The following MAP4K4 variants were observed in gnomAD, a reference collection of about 807,000 sequenced individuals.
MAP4K4 encodes HPK/GCK-like kinase HGK.
A neutral mutation model predicts 189.6 loss-of-function variants in MAP4K4; 38 were observed. That is an observed-to-expected ratio of 0.20 (90% CI 0.15 to 0.26). The LOEUF (loss-of-function observed/expected upper bound fraction) is 0.26. Among genes scored for constraint, MAP4K4 ranks in the 10% least tolerant of loss-of-function variants. The pLI is 1.00. For missense variants in MAP4K4, 1,054 were observed against 1,726.9 expected, an observed-to-expected ratio of 0.61 and a Z score of 6.91; for synonymous variants, 610 against 624.3, an observed-to-expected ratio of 0.98 and a Z score of 0.34.
intron 17 of MAP4K4, among the ~76,000 whole-genome samples, chr2:101,864,341 G>GT (rs1327672438): frequency 2.6e-5 from 4 of 151,992 alleles, no homozygotes; most frequent in African/African-American, 9.7e-5. Flanking sequence ...TATTTTAGCA[G>GT]TTTTTTATAT....
rs5832985 is a variant in MAP4K4, at chr2:101,745,972, TTGTGTGTGTGTGTGTG to T, written c.124-44728_124-44713del. On this transcript the variant is annotated intron_variant, in intron 2 of 32. Coordinates refer to ENST00000324219, the Ensembl canonical transcript of MAP4K4. ...CAAATTATTTGAAATCCTGTTTCCT[TTGTGTGTGTGTGTGTG>T]TGTGTGTGTGTGTGTGTGTTTTAAA... Among the ~76,000 whole-genome samples, 1,238 of 146,600 alleles carry T rather than the reference TTGTGTGTGTGTGTGTG, an allele frequency of 8.4e-3. 8 individuals are homozygous for T. The highest frequency in any genetic ancestry group is 0.014 in the Non-Finnish European group (913 of 67,120).
At chr2:101,756,131 A>T (rs1558754778) in intron 2 of MAP4K4, among the ~76,000 whole-genome samples, 1 of 151,416 alleles carries the variant, frequency 6.6e-6, no homozygotes, top group Non-Finnish European at 1.5e-5. Flanking sequence ...TTTTTAGTAG[A>T]GATGGGGTTT....
chr2:101,880,441 A>T (rs958620965), intron 27 of MAP4K4, among the ~76,000 whole-genome samples: 3 of 152,106 alleles, frequency 2.0e-5, no homozygotes, highest in African/African-American at 7.2e-5. Context: ...GCATTCATTA[A>T]AAAGACTAAC....
chr2:101,887,840 T>C, exon 31 of MAP4K4: 1 of 1,613,338 alleles, frequency 6.2e-7, no homozygotes, highest in South Asian at 1.1e-5. Context: ...GAATGGAGCT[T>C]CTGGTGTGCT....
At chr2:101,890,309 A>G (rs2098547233) in intron 32 of MAP4K4, among the ~76,000 whole-genome samples, 1 of 152,120 alleles carries the variant, frequency 6.6e-6, no homozygotes, top group Non-Finnish European at 1.5e-5. Flanking sequence ...AGAAACATCC[A>G]TTTTTTTCCT....
chr2:101,831,763 G>A (rs1467706026), exon 7 of MAP4K4: 3 of 1,606,208 alleles, frequency 1.9e-6, no homozygotes, highest in Admixed American at 1.7e-5. Flanking sequence ...ACTGTGGGGC[G>A]GAGAAATACG....
intron 3 of MAP4K4, among the ~76,000 whole-genome samples, chr2:101,811,311 C>T (rs1404942649): frequency 7.2e-6 from 1 of 139,484 alleles, no homozygotes; most frequent in Non-Finnish European, 1.5e-5. Context: ...GCAGAGGTTG[C>T]AGTGAGCCGA....
intron 3 of MAP4K4, among the ~76,000 whole-genome samples, chr2:101,818,491 G>A (rs2095851050): frequency 6.6e-6 from 1 of 152,144 alleles, no homozygotes; most frequent in African/African-American, 2.4e-5. Context: ...TTGGATTCCA[G>A]TTAGCTTATC....
intron 2 of MAP4K4, among the ~76,000 whole-genome samples, 199 bp from the exon 3 acceptor site, chr2:101,790,521 A>G (rs934745333): frequency 1.3e-5 from 2 of 152,202 alleles, no homozygotes; most frequent in Non-Finnish European, 2.9e-5. Context: ...TGTTCATCGA[A>G]TTGTCTTGCT....
At chr2:101,882,166 TGTCA>T (rs886190445) in intron 27 of MAP4K4, among the ~76,000 whole-genome samples, 1 of 152,250 alleles carries the variant, frequency 6.6e-6, no homozygotes, top group African/African-American at 2.4e-5. Flanking sequence ...CCTTTGATAT[TGTCA>T]GTCTTTTGAA....
At chr2:101,812,935 G>A (rs1032078529) in intron 3 of MAP4K4, among the ~76,000 whole-genome samples, 7 of 152,120 alleles carry the variant, frequency 4.6e-5, no homozygotes, top group African/African-American at 1.7e-4. Flanking sequence ...AGACCATCCT[G>A]GCTAACACAT....
chr2:101,882,219 A>C (rs1157596010), intron 27 of MAP4K4, among the ~76,000 whole-genome samples: 1 of 152,196 alleles, frequency 6.6e-6, no homozygotes, highest in African/African-American at 2.4e-5. Context: ...TCATCTTATT[A>C]CTGTTTTAAC....
At chr2:101,730,624 T>C (rs2058014471) in intron 2 of MAP4K4, among the ~76,000 whole-genome samples, 1 of 152,070 alleles carries the variant, frequency 6.6e-6, no homozygotes, top group Admixed American at 6.6e-5. Flanking sequence ...AGTACGGGGG[T>C]ATTTCTGTCA....
At chr2:101,885,553 C>T (rs1010951085) in intron 29 of MAP4K4, among the ~76,000 whole-genome samples, 13 of 152,190 alleles carry the variant, frequency 8.5e-5, no homozygotes, top group African/African-American at 2.9e-4. Flanking sequence ...GAAAAGAGAA[C>T]AGTACTTCCA....
At chr2:101,869,421 A>G (rs1012119846) in intron 21 of MAP4K4, among the ~76,000 whole-genome samples, 1 of 141,266 alleles carries the variant, frequency 7.1e-6, no homozygotes, top group Non-Finnish European at 1.6e-5. Context: ...GGTGTCTTCT[A>G]TTTTTTTTTT....
exon 15 of MAP4K4, chr2:101,859,834 C>T (rs753270800): frequency 6.2e-7 from 1 of 1,609,110 alleles, no homozygotes; most frequent in Non-Finnish European, 8.5e-7. Flanking sequence ...AGCCCAAAGC[C>T]CACTACGAGC....
intron 5 of MAP4K4, among the ~76,000 whole-genome samples, chr2:101,828,073 T>G (rs906060574): frequency 1.3e-5 from 2 of 152,218 alleles, no homozygotes; most frequent in African/African-American, 4.8e-5. Flanking sequence ...TCAGAGCTGC[T>G]AGACACACCT....
chr2:101,822,771 A>G (rs1241982735), intron 3 of MAP4K4, among the ~76,000 whole-genome samples: 2 of 152,206 alleles, frequency 1.3e-5, no homozygotes, highest in African/African-American at 4.8e-5. Flanking sequence ...AGAGAAGGAC[A>G]TCAGTTGTGA....
chr2:101,707,635 C>T (rs1178572845), intron 2 of MAP4K4, among the ~76,000 whole-genome samples: 2 of 151,436 alleles, frequency 1.3e-5, no homozygotes, highest in Non-Finnish European at 2.9e-5. Context: ...ACATCAGCCT[C>T]TTGAATAGCT....
Sources: allele counts gnomAD v4.1 joint callset (sites outside exome capture counted in the v4.1 genomes callset), GRCh38; gene constraint gnomAD v4.1.1; transcripts MANE v1.5; gene names NCBI Gene and HGNC (gene_info 2026-07-23, HGNC 2026-07-21).